The following MAN2A1 variants were observed in gnomAD, a reference collection of about 807,000 sequenced individuals.
MAN2A1 encodes mannosidase alpha class 2A member 1, also known as alpha-mannosidase 2.
Under a neutral mutation model 142.6 loss-of-function variants are expected in MAN2A1, and 76 were observed. That is an observed-to-expected ratio of 0.53 (90% CI 0.44 to 0.65). The LOEUF (loss-of-function observed/expected upper bound fraction) is 0.65. MAN2A1 is among the 30% of genes least tolerant of loss of function. The pLI, the probability that MAN2A1 is intolerant of heterozygous loss-of-function variation, is 0.00. For missense variants in MAN2A1, 1,311 were observed against 1,365.1 expected, an observed-to-expected ratio of 0.96 and a Z score of 0.62; for synonymous variants, 559 against 473.2, an observed-to-expected ratio of 1.18 and a Z score of -2.35.
chr5:109,721,473 TTGTG>T (rs1751601606), intron 3 of MAN2A1, among the ~76,000 whole-genome samples: 1 of 152,058 alleles, frequency 6.6e-6, no homozygotes, highest in Admixed American at 6.6e-5. Context: ...GTGTGTGTGT[TTGTG>T]TGTCCCAAAT....
chr5:109,792,012 A>G (rs1022334423), intron 12 of MAN2A1, among the ~76,000 whole-genome samples: 1 of 152,112 alleles, frequency 6.6e-6, no homozygotes, highest in African/African-American at 2.4e-5. Context: ...TATGTGAGCT[A>G]TATCATGTGT....
At chr5:109,816,668 G>T (rs1754469358) in intron 12 of MAN2A1, among the ~76,000 whole-genome samples, 3 of 152,092 alleles carry the variant, frequency 2.0e-5, no homozygotes, top group Non-Finnish European at 4.4e-5. Context: ...CAAACAAATT[G>T]TGAATTTTTT....
At chr5:109,715,639 G>A (rs546060999) in intron 2 of MAN2A1, among the ~76,000 whole-genome samples, 1 of 152,228 alleles carries the variant, frequency 6.6e-6, no homozygotes, top group East Asian at 1.9e-4. Context: ...CTACATGGCA[G>A]AATAGCTATA....
At chr5:109,743,871 A>G (rs550571169) in intron 4 of MAN2A1, among the ~76,000 whole-genome samples, 2 of 152,064 alleles carry the variant, frequency 1.3e-5, no homozygotes, top group Non-Finnish European at 1.5e-5. Flanking sequence ...TTTGCCTGAC[A>G]CATACTGACT....
intron 4 of MAN2A1, among the ~76,000 whole-genome samples, chr5:109,741,442 C>T (rs572159247): frequency 6.6e-6 from 1 of 152,218 alleles, no homozygotes; most frequent in Non-Finnish European, 1.5e-5. Context: ...AAATTCTGAG[C>T]TTGTACTAAG....
At chr5:109,725,292 G>C (rs1005183566) in intron 3 of MAN2A1, among the ~76,000 whole-genome samples, 3 of 152,224 alleles carry the variant, frequency 2.0e-5, no homozygotes, top group African/African-American at 7.2e-5. Context: ...ATGGTGGTGT[G>C]TATGGGGAGA....
chr5:109,854,810 C>CAGCCCAA (rs1755565223), intron 19 of MAN2A1: 1 of 187,236 alleles, frequency 5.3e-6, no homozygotes. Context: ...AATCCTTGTA[C>CAGCCCAA]TTTGAGAGTT....
At chr5:109,799,761 A>G (rs1174048587) in intron 12 of MAN2A1, among the ~76,000 whole-genome samples, 1 of 151,514 alleles carries the variant, frequency 6.6e-6, no homozygotes, top group African/African-American at 2.4e-5. Flanking sequence ...TCTCAAAAAA[A>G]AAAAAAAGCG....
At chr5:109,754,435 C>T (rs1431480028) in intron 4 of MAN2A1, among the ~76,000 whole-genome samples, 2 of 152,088 alleles carry the variant, frequency 1.3e-5, no homozygotes, top group African/African-American at 4.8e-5. Flanking sequence ...ACTGTATAGC[C>T]TATATTTCAA....
intron 4 of MAN2A1, among the ~76,000 whole-genome samples, chr5:109,732,521 T>C (rs1582835262): frequency 6.6e-6 from 1 of 152,158 alleles, no homozygotes; most frequent in African/African-American, 2.4e-5. Flanking sequence ...CTTTAATCCA[T>C]CTTGAATTAA....
In MAN2A1 at chr5:109,754,739, C is replaced by T. The variant is rs1171542118; in HGVS notation, c.708-590C>T. 2.0e-5 allele frequency among the ~76,000 whole-genome samples: 3 copies of T among 152,208 alleles called. 1 individual carries two copies. The highest frequency in any genetic ancestry group is 4.4e-5 in the Non-Finnish European group (3 of 68,040). On this transcript the variant is annotated intron_variant, in intron 4 of 21. Coordinates refer to ENST00000261483, the MANE Select transcript of MAN2A1 (RefSeq NM_002372.4). ...GATATGGGCTGGGCGTGGTGGCTCA[C>T]GCCTGTAATCCCAGCACTTTGGGAA...
rs756871459 is a variant in MAN2A1, at chr5:109,767,607, G to T, written c.908G>T (p.Arg303Leu). The change falls in exon 6 of 22, where the codon CGT becomes CTT. Residue 303 changes from arginine to leucine, a missense_variant. Physicochemically the swap from Arg to Leu is moderately radical, Grantham distance 102 (BLOSUM62 -2). Transcript: ENST00000261483. ...HSPTMAYLLN[R>L]AGLSHMLIQR... is the part of the protein sequence containing the mutation. ...CCAACAATGGCTTATCTTCTAAACC[G>T]TGCTGGACTTTCTCACATGCTTATC... The T allele has an allele frequency of 6.2e-7, 1 of 1,613,704 alleles. No homozygotes were observed. Among genetic ancestry groups the T allele is most frequent in the Non-Finnish European group, 8.5e-7 (1 of 1,179,696 alleles).
chr5:109,833,485 C>T (rs1325659986), intron 16 of MAN2A1, among the ~76,000 whole-genome samples: 2 of 152,132 alleles, frequency 1.3e-5, no homozygotes, highest in East Asian at 1.9e-4. Context: ...CCGGCCAACA[C>T]GGCAAAACCC....
At chr5:109,709,777 C>T (rs1751244158) in intron 1 of MAN2A1, among the ~76,000 whole-genome samples, 1 of 152,122 alleles carries the variant, frequency 6.6e-6, no homozygotes, top group South Asian at 2.1e-4. Context: ...CACTCCTGAG[C>T]GGTGCAATGC....
chr5:109,839,915 C>T (rs1391863458), intron 16 of MAN2A1, among the ~76,000 whole-genome samples: 1 of 151,606 alleles, frequency 6.6e-6, no homozygotes, highest in East Asian at 1.9e-4. Flanking sequence ...ATGGTGCCTA[C>T]ACTAACAGCA....
At chr5:109,828,354 T>G (rs891224021) in intron 16 of MAN2A1, among the ~76,000 whole-genome samples, 3 of 152,194 alleles carry the variant, frequency 2.0e-5, no homozygotes, top group African/African-American at 7.2e-5. Flanking sequence ...TTTAGCTTTT[T>G]TGGTTAATCT....
At chr5:109,824,032 A>G (rs1754697968) in intron 16 of MAN2A1, among the ~76,000 whole-genome samples, 195 bp downstream of exon 16, 1 of 152,218 alleles carries the variant, frequency 6.6e-6, no homozygotes, top group Admixed American at 6.5e-5. Context: ...ATCCCTACAT[A>G]TACATGTTCC....
Position 109,823,744 on chromosome 5 carries a change from C to G in MAN2A1, c.2473C>G (p.Pro825Ala), listed in dbSNP as rs776345595. ...TCAGCCTTATGTTTACACAACACCG[C>G]CCTTTGTCAGAGTGACACATGGAAG... ...NAKPYVYTTP[P>A]FVRVTHGRIY... The change falls in exon 16 of 22, where the codon CCC (proline) becomes GCC (alanine). Residue 825 changes from proline (P) to alanine (A), a missense_variant. Coordinates refer to ENST00000261483, the MANE Select transcript of MAN2A1 (RefSeq NM_002372.4). 4.4e-6 allele frequency: 7 copies of G among 1,603,700 alleles called. No homozygotes were observed. The highest frequency in any genetic ancestry group is 4.0e-5 in the African/African-American group (3 of 74,598).
intron 12 of MAN2A1, among the ~76,000 whole-genome samples, chr5:109,816,399 A>G (rs1186921524): frequency 6.6e-6 from 1 of 152,212 alleles, no homozygotes; most frequent in East Asian, 1.9e-4. Flanking sequence ...AACTTATTTT[A>G]ATAGTTTGCA....
Sources: gnomAD v4.1 joint callset for allele counts (sites outside exome capture counted in the v4.1 genomes callset) on GRCh38, gnomAD v4.1.1 for gene constraint, MANE v1.5 for transcripts, NCBI Gene and HGNC (gene_info 2026-07-23, HGNC 2026-07-21) for gene names.